ZNF891: variants seen among roughly 807,000 people sequenced by gnomAD.
ZNF891 encodes zinc finger protein 891, also known as hCG1646157.
For synonymous variants in ZNF891, 199 were observed against 209.0 expected, an observed-to-expected ratio of 0.95 and a Z score of 0.41; for missense variants, 589 against 632.7, an observed-to-expected ratio of 0.93 and a Z score of 0.74.
chr12:133,124,987 A>G (rs1261295599), intron 1 of ZNF891, among the ~76,000 whole-genome samples: 1 of 152,064 alleles, frequency 6.6e-6, no homozygotes, highest in Admixed American at 6.6e-5. Context: ...AAGCAACAAC[A>G]GCATATTCAA....
At chr12:133,123,579 G>A (rs1395418986) in intron 1 of ZNF891, among the ~76,000 whole-genome samples, 2 of 151,934 alleles carry the variant, frequency 1.3e-5, no homozygotes, top group African/African-American at 4.8e-5. Context: ...ATGGTGGCAT[G>A]CGCCTGAAGC....
At position 133,108,446 on chromosome 12, in the gene ZNF891, T is replaced by A. The variant is rs144697818; in HGVS notation, c.*11838A>T. The A allele has an allele frequency of 6.6e-6, 1 of 152,284 alleles. No individual in the cohort carries two copies. Among genetic ancestry groups the A allele is most frequent in the African/African-American group, 2.4e-5 (1 of 41,554 alleles). The allele number at this position is 152,284 out of a possible 1,614,324, so 9.4% of individuals were successfully genotyped here. On this transcript the variant is annotated 3_prime_UTR_variant, in exon 2 of 2. Transcript: ENST00000537226. The stretch of plus-strand genomic sequence containing the variant: ...ATTATCTGCTCCACATCCACTTTCC[T>A]TCCTACTGTTTACTCTGTGGGGATG...
chr12:133,118,597 A>G lies in ZNF891; in HGVS notation c.*1687T>C, dbSNP rs992705759. The stretch of plus-strand genomic sequence containing the variant: ...ATATTTTGTTAGAACTAATCTGGTC[A>G]GTATCTGCAAGATCAAGCAGCAAAA... On this transcript the variant is annotated 3_prime_UTR_variant, in exon 2 of 2. Coordinates refer to ENST00000537226, the MANE Select transcript of ZNF891 (RefSeq NM_001277291.2). 3 of 152,212 alleles carry G rather than the reference A, an allele frequency of 2.0e-5. No homozygotes were observed. Among genetic ancestry groups the G allele is most frequent in the Non-Finnish European group, 4.4e-5 (3 of 68,034 alleles). 9.4% of individuals were successfully genotyped at this position (152,212 alleles called of 1,614,324 possible). A position where few individuals can be genotyped will look rare whatever the true frequency, so the allele number is the denominator to read the frequency against.
At chr12:133,128,267 G>C (rs2137628500) in intron 1 of ZNF891, among the ~76,000 whole-genome samples, 1 of 152,272 alleles carries the variant, frequency 6.6e-6, no homozygotes, top group Middle Eastern at 3.4e-3. Flanking sequence ...AACATATTCA[G>C]CTCTTAAAAA....
chr12:133,123,332 A>G (rs940563227), intron 1 of ZNF891, among the ~76,000 whole-genome samples: 5 of 152,204 alleles, frequency 3.3e-5, no homozygotes, highest in Non-Finnish European at 7.3e-5. Context: ...GAAACTCAAC[A>G]ATTTGAGTAA....
intron 1 of ZNF891, among the ~76,000 whole-genome samples, chr12:133,129,603 G>A (rs900780766): frequency 6.6e-6 from 1 of 151,970 alleles, no homozygotes. Context: ...GGGGCGGTGA[G>A]GGGTGGTGAC....
Position 133,115,685 on chromosome 12 carries a change from T to G in ZNF891, c.*4599A>C, listed in dbSNP as rs1955712113. 1.3e-5 allele frequency: 2 copies of G among 152,258 alleles called. No individual in the cohort carries two copies. Among genetic ancestry groups the G allele is most frequent in the South Asian group, 4.1e-4 (2 of 4,826 alleles). 9.4% of individuals were successfully genotyped at this position (152,258 alleles called of 1,614,324 possible). A position where few individuals can be genotyped will look rare whatever the true frequency, so the allele number is the denominator to read the frequency against. The stretch of plus-strand genomic sequence containing the variant: ...ATAGAAAACATACTAAAGGAAAGTA[T>G]GATTCAAGTCAGAGAAACCAGTTAG... On this transcript the variant is annotated 3_prime_UTR_variant, in exon 2 of 2. Coordinates refer to ENST00000537226, the MANE Select transcript of ZNF891 (RefSeq NM_001277291.2).
Position 133,105,085 on chromosome 12 carries a change from A to AT in ZNF891, c.*15198dup, listed in dbSNP as rs1204195080. ...CGCTTTTTTTTTCATTTAGATTATT[A>AT]TAAGATGTTCCAGAGGCACTAAGTG... On this transcript the variant is annotated 3_prime_UTR_variant, in exon 2 of 2. Transcript: ENST00000537226. Among the ~76,000 whole-genome samples, 1 of 152,162 alleles carries AT rather than the reference A, an allele frequency of 6.6e-6. No homozygotes were observed. The highest frequency in any genetic ancestry group is 1.5e-5 in the Non-Finnish European group (1 of 68,020).
chr12:133,117,490 T>A lies in ZNF891; in HGVS notation c.*2794A>T, dbSNP rs1188279922. On this transcript the variant is annotated 3_prime_UTR_variant, in exon 2 of 2. Transcript: ENST00000537226. ...CAAGTAATTTAAACCAACCCACCCATTTTTCTACTCCTGAAAGAATGGTGG... is the reference window on the plus strand; with the variant it reads ...CAAGTAATTTAAACCAACCCACCCAATTTTCTACTCCTGAAAGAATGGTGG... The A allele has an allele frequency of 6.6e-6, 1 of 152,218 alleles. No homozygotes were observed. Among genetic ancestry groups the A allele is most frequent in the Non-Finnish European group, 1.5e-5 (1 of 68,036 alleles). The allele number at this position is 152,218 out of a possible 1,614,324, so 9.4% of individuals were successfully genotyped here.
At chr12:133,124,124 CAG>C (rs1192588610) in intron 1 of ZNF891, among the ~76,000 whole-genome samples, 2 of 152,132 alleles carry the variant, frequency 1.3e-5, no homozygotes, top group Non-Finnish European at 2.9e-5. Context: ...GTAAGTAAAA[CAG>C]AATGATATTA....
intron 1 of ZNF891, among the ~76,000 whole-genome samples, chr12:133,128,492 G>C (rs886940737): frequency 1.6e-4 from 24 of 152,194 alleles, no homozygotes; most frequent in African/African-American, 5.3e-4. Flanking sequence ...AAATTAACCG[G>C]GCATGGCAGT....
chr12:133,126,119 T>A (rs368003345), intron 1 of ZNF891, among the ~76,000 whole-genome samples: 27 of 152,280 alleles, frequency 1.8e-4, no homozygotes, highest in African/African-American at 6.3e-4. Context: ...AATACAACTC[T>A]ATGGATTTTT....
Position 133,113,425 on chromosome 12 carries a change from A to G in ZNF891, c.*6859T>C, listed in dbSNP as rs1000161299. 1 of 152,284 alleles carries G rather than the reference A, an allele frequency of 6.6e-6. No homozygotes were observed. The highest frequency in any genetic ancestry group is 3.4e-3 in the Middle Eastern group (1 of 294). 9.4% of individuals were successfully genotyped at this position (152,284 alleles called of 1,614,324 possible). ...CACACACATATTTATAACATGCATTAAAAAGTCATACCATATTTTGTGACT... is the reference window on the plus strand; with the variant it reads ...CACACACATATTTATAACATGCATTGAAAAGTCATACCATATTTTGTGACT... On this transcript the variant is annotated 3_prime_UTR_variant, in exon 2 of 2. Coordinates refer to ENST00000537226, the MANE Select transcript of ZNF891 (RefSeq NM_001277291.2).
chr12:133,120,861 C>T lies in ZNF891; in HGVS notation c.1058G>A (p.Cys353Tyr). The T allele has an allele frequency of 6.5e-7, 1 of 1,544,676 alleles. No individual in the cohort carries two copies. Among genetic ancestry groups the T allele is most frequent in the Non-Finnish European group, 8.7e-7 (1 of 1,147,872 alleles). Residue 353 changes from cysteine to tyrosine, a missense_variant, in exon 2 of 2, where the codon TGT becomes TAT. Coordinates refer to ENST00000537226, the MANE Select transcript of ZNF891 (RefSeq NM_001277291.2). ...MGEKQYECKE[C>Y]GKVFNDSSTL... ...TGAGGAATCATTGAACACTTTACCA[C>T]ATTCTTTACATTCATATTGTTTCTC...
At chr12:133,129,337 A>G (rs1216569962) in intron 1 of ZNF891, among the ~76,000 whole-genome samples, 1 of 151,964 alleles carries the variant, frequency 6.6e-6, no homozygotes, top group African/African-American at 2.4e-5. Context: ...CCCCATCTCC[A>G]CTAAAAATAC....
In ZNF891 at chr12:133,116,543, C is replaced by T. The variant is rs1955716110; in HGVS notation, c.*3741G>A. On this transcript the variant is annotated 3_prime_UTR_variant, in exon 2 of 2. Coordinates refer to ENST00000537226, the MANE Select transcript of ZNF891 (RefSeq NM_001277291.2). ...ATGAATCCCAGTAGACCTAAATACC[C>T]ATCATCTTCTTACAGACTGCTGGGA... The T allele has an allele frequency of 6.6e-6, 1 of 152,198 alleles. No homozygotes were observed. Among genetic ancestry groups the T allele is most frequent in the South Asian group, 2.1e-4 (1 of 4,822 alleles). The allele number at this position is 152,198 out of a possible 1,614,324, so 9.4% of individuals were successfully genotyped here.
rs1955625619 is a variant in ZNF891, at chr12:133,107,027, T to C, written c.*13257A>G. On this transcript the variant is annotated 3_prime_UTR_variant, in exon 2 of 2. Coordinates refer to ENST00000537226, the MANE Select transcript of ZNF891 (RefSeq NM_001277291.2). Reference sequence around the variant, plus strand: ...GAGATTAGCCCTCATTCCGCATCTGTCAACCAGGACAGAAAGCATGGACAA... The same window carrying C: ...GAGATTAGCCCTCATTCCGCATCTGCCAACCAGGACAGAAAGCATGGACAA... 6.1e-6 allele frequency: 1 copy of C among 163,198 alleles called. No homozygotes were observed. The highest frequency in any genetic ancestry group is 1.3e-5 in the Non-Finnish European group (1 of 75,176). The allele number at this position is 163,198 out of a possible 1,614,324, so 10.1% of individuals were successfully genotyped here.
chr12:133,113,315 C>T lies in ZNF891; in HGVS notation c.*6969G>A, dbSNP rs1176166086. ...CCACAGCTCTGTTCACTAAACTAGA[C>T]ATCTTAAAAAAAGACAAAAGAAAAA... On this transcript the variant is annotated 3_prime_UTR_variant, in exon 2 of 2. Coordinates refer to ENST00000537226, the MANE Select transcript of ZNF891 (RefSeq NM_001277291.2). The T allele has an allele frequency of 6.6e-6, 1 of 151,726 alleles. No homozygotes were observed. The highest frequency in any genetic ancestry group is 1.5e-5 in the Non-Finnish European group (1 of 67,944). The allele number at this position is 151,726 out of a possible 1,614,324, so 9.4% of individuals were successfully genotyped here.
chr12:133,122,694 C>T (rs1161743572), intron 1 of ZNF891, among the ~76,000 whole-genome samples: 1 of 152,198 alleles, frequency 6.6e-6, no homozygotes, highest in East Asian at 1.9e-4. Context: ...GTTTACTTAA[C>T]AAACCTGCGC....
Sources: allele counts gnomAD v4.1 joint callset (sites outside exome capture counted in the v4.1 genomes callset), GRCh38; gene constraint gnomAD v4.1.1; transcripts MANE v1.5; gene names NCBI Gene and HGNC (gene_info 2026-07-23, HGNC 2026-07-21).